NFAT5: variants seen among roughly 807,000 people sequenced by gnomAD.
The protein encoded by NFAT5 is nuclear factor of activated T cells 5.
Under a neutral mutation model 166.5 loss-of-function variants are expected in NFAT5, and 31 were observed. That is an observed-to-expected ratio of 0.19 (90% CI 0.14 to 0.25). The LOEUF (loss-of-function observed/expected upper bound fraction) is 0.25. NFAT5 is among the 10% of genes least tolerant of loss of function. NFAT5 has a pLI of 1.00. For synonymous variants in NFAT5, 612 were observed against 639.7 expected, an observed-to-expected ratio of 0.96 and a Z score of 0.65; for missense variants, 1,449 against 1,821.8, an observed-to-expected ratio of 0.80 and a Z score of 3.72.
chr16:69,672,723 T>C lies in NFAT5; in HGVS notation c.1557+2435T>C, dbSNP rs74026902. Among the ~76,000 whole-genome samples the C allele has an allele frequency of 7.6e-3, 1,153 of 152,334 alleles. 15 individuals are homozygous for C. The highest frequency in any genetic ancestry group is 0.026 in the African/African-American group (1,087 of 41,576). On this transcript the variant is annotated intron_variant, in intron 9 of 14. Transcript: ENST00000349945. ...GGTCTTTAAATACCTAGAGTTGTAA[T>C]CCTAACTGAAACTTAATTTATTCAT...
intron 2 of NFAT5, among the ~76,000 whole-genome samples, chr16:69,579,568 A>G (rs1486020207): frequency 1.3e-5 from 2 of 152,322 alleles, no homozygotes; most frequent in Non-Finnish European, 2.9e-5. Flanking sequence ...AGTGTAAACT[A>G]TGGTAAATAA....
At chr16:69,600,793 C>G (rs1403299184) in intron 2 of NFAT5, among the ~76,000 whole-genome samples, 5 of 135,532 alleles carry the variant, frequency 3.7e-5, no homozygotes, top group Middle Eastern at 4.7e-3. Context: ...TCCTGAGCTA[C>G]TTTGAGGAAG....
At chr16:69,570,533 G>A (rs1167397103) in intron 2 of NFAT5, among the ~76,000 whole-genome samples, 2 of 150,342 alleles carry the variant, frequency 1.3e-5, no homozygotes, top group Non-Finnish European at 3.0e-5. Context: ...AAGTATTTCT[G>A]TATTACAGTG....
rs1469136661 is a variant in NFAT5, at chr16:69,699,592, A to G, written c.*3241A>G. 1 of 152,634 alleles carries G rather than the reference A, an allele frequency of 6.6e-6. No homozygotes were observed. The highest frequency in any genetic ancestry group is 6.5e-5 in the Admixed American group (1 of 15,284). The allele number at this position is 152,634 out of a possible 1,614,324, so 9.5% of individuals were successfully genotyped here. On this transcript the variant is annotated 3_prime_UTR_variant, in exon 15 of 15. Coordinates refer to ENST00000349945, the MANE Select transcript of NFAT5 (RefSeq NM_138713.4). The stretch of plus-strand genomic sequence containing the variant: ...CATCTTCTTTGAAGCTCAGTGGTTG[A>G]TATTTGTGCTAATAATGCAATTTCC...
At position 69,702,135 on chromosome 16, in the gene NFAT5, C is replaced by T. The variant is rs2037908212; in HGVS notation, c.*5784C>T. The T allele has an allele frequency of 6.6e-6, 1 of 152,566 alleles. No homozygotes were observed. Among genetic ancestry groups the T allele is most frequent in the South Asian group, 2.1e-4 (1 of 4,828 alleles). The allele number at this position is 152,566 out of a possible 1,614,324, so 9.5% of individuals were successfully genotyped here. ...GCACTGAGGACTGCAAACTTTTATG[C>T]AATATTCTTAATACCCTATTGATAT... On this transcript the variant is annotated 3_prime_UTR_variant, in exon 15 of 15. Transcript: ENST00000349945.
intron 2 of NFAT5, among the ~76,000 whole-genome samples, chr16:69,605,603 G>C (rs907935886): frequency 2.0e-5 from 3 of 152,094 alleles, no homozygotes; most frequent in Non-Finnish European, 2.9e-5. Flanking sequence ...TCAACTATCT[G>C]ATTTTGGAGA....
chr16:69,633,425 A>G (rs772600830), intron 3 of NFAT5, among the ~76,000 whole-genome samples: 3 of 152,214 alleles, frequency 2.0e-5, no homozygotes, highest in Non-Finnish European at 4.4e-5. Flanking sequence ...ATAAGCAAAA[A>G]GTGTTTATAA....
chr16:69,608,057 G>A (rs2151551258), intron 2 of NFAT5, among the ~76,000 whole-genome samples: 1 of 151,926 alleles, frequency 6.6e-6, no homozygotes, highest in South Asian at 2.1e-4. Flanking sequence ...CAGTGTACTA[G>A]AAAAACTACT....
intron 6 of NFAT5, among the ~76,000 whole-genome samples, chr16:69,657,877 A>G (rs2035955522): frequency 6.6e-6 from 1 of 151,176 alleles, no homozygotes; most frequent in South Asian, 2.1e-4. Flanking sequence ...CGAGGTCAGG[A>G]GATCGAGACC....
chr16:69,682,119 T>G (rs1447100929), intron 10 of NFAT5, among the ~76,000 whole-genome samples: 1 of 151,918 alleles, frequency 6.6e-6, no homozygotes, highest in African/African-American at 2.4e-5. Context: ...TAGATACTTT[T>G]CAGAGTCATA....
At position 69,568,488 on chromosome 16, in the gene NFAT5, T is replaced by C; in HGVS notation, c.74-7T>C. On this transcript the variant is annotated splice_polypyrimidine_tract_variant and splice_region_variant and intron_variant, in intron 1 of 14. Coordinates refer to ENST00000349945, the MANE Select transcript of NFAT5 (RefSeq NM_138713.4). ...AAAAAGTACCTAATGCTTTTTGTGTTTTTCAGATTCTCTGAAGTTACACCC... is the reference window on the plus strand; with the variant it reads ...AAAAAGTACCTAATGCTTTTTGTGTCTTTCAGATTCTCTGAAGTTACACCC... The C allele has an allele frequency of 2.5e-6, 4 of 1,612,364 alleles. No individual in the cohort carries two copies. The highest frequency in any genetic ancestry group is 3.4e-6 in the Non-Finnish European group (4 of 1,179,226).
chr16:69,591,085 C>A (rs577549008), intron 2 of NFAT5, among the ~76,000 whole-genome samples: 3 of 152,206 alleles, frequency 2.0e-5, no homozygotes, highest in African/African-American at 7.2e-5. Flanking sequence ...GTACATGCCA[C>A]CATGCCTGGC....
chr16:69,681,753 T>G lies in NFAT5; in HGVS notation c.1691-3134T>G, dbSNP rs567759641. On this transcript the variant is annotated intron_variant, in intron 10 of 14. Coordinates refer to ENST00000349945, the MANE Select transcript of NFAT5 (RefSeq NM_138713.4). ...TAACACAGTGAAACCCCGTCTCTAC[T>G]AAAAAATACAAAAAATTAGCCAGGT... Among the ~76,000 whole-genome samples the G allele has an allele frequency of 2.0e-5, 3 of 151,644 alleles. No individual in the cohort carries two copies. The East Asian group carries it at 5.8e-4, about 29-fold the overall frequency.
rs374912279 is a variant in NFAT5 at position 69,598,380 on chromosome 16, TAA to T, written c.128-28002_128-28001del. Among the ~76,000 whole-genome samples the T allele has an allele frequency of 1.0e-2, 1,187 of 118,934 alleles. 17 individuals are homozygous for T. Among genetic ancestry groups the T allele is most frequent in the African/African-American group, 0.035 (1,110 of 31,882 alleles). The allele number at this position is 118,934 out of a possible 152,430, so 78.0% of individuals were successfully genotyped here. A position where few individuals can be genotyped will look rare whatever the true frequency, so the allele number is the denominator to read the frequency against. ...GTGACAGAGCGAGACCCTGTCTCTT[TAA>T]AAAAAAAAAAAAAAAAAAAAGATAT... is the stretch of plus-strand genomic sequence containing the variant. On this transcript the variant is annotated intron_variant, in intron 2 of 14. Coordinates refer to ENST00000349945, the MANE Select transcript of NFAT5 (RefSeq NM_138713.4).
intron 2 of NFAT5, among the ~76,000 whole-genome samples, chr16:69,600,829 C>A (rs1469676676): frequency 6.7e-6 from 1 of 148,318 alleles, no homozygotes; most frequent in Non-Finnish European, 1.5e-5. Flanking sequence ...TGGTACTGGT[C>A]CACAATTTTG....
chr16:69,624,929 C>T (rs1264569877), intron 2 of NFAT5, among the ~76,000 whole-genome samples: 2 of 150,690 alleles, frequency 1.3e-5, no homozygotes, highest in Non-Finnish European at 3.0e-5. Flanking sequence ...GAAGGAGTTT[C>T]GCTCTTGTTG....
At chr16:69,640,594 G>A (rs1483651380) in intron 3 of NFAT5, among the ~76,000 whole-genome samples, 2 of 152,138 alleles carry the variant, frequency 1.3e-5, no homozygotes, top group Non-Finnish European at 2.9e-5. Context: ...ACTTTTATCA[G>A]ATGAGAACTT....
chr16:69,674,241 C>CAA (rs59975972), intron 9 of NFAT5, among the ~76,000 whole-genome samples: 66 of 71,290 alleles, frequency 9.3e-4, no homozygotes, highest in African/African-American at 2.0e-3. Flanking sequence ...GAAACTGTCT[C>CAA]AAAAAAAAAA....
chr16:69,569,151 TTG>T lies in NFAT5; in HGVS notation c.127+617_127+618del, dbSNP rs761456843. Among the ~76,000 whole-genome samples the T allele has an allele frequency of 4.1e-4, 62 of 151,688 alleles. 2 individuals carry two copies. Among genetic ancestry groups the T allele is most frequent in the East Asian group, 3.9e-4 (2 of 5,174 alleles). On this transcript the variant is annotated intron_variant, in intron 2 of 14. Transcript: ENST00000349945. ...CACTTACTTTAGAAAACTTTTGGCTTTGTGTGTGTGTGTGTTTTAACATTTTA... is the reference window on the plus strand; with the variant it reads ...CACTTACTTTAGAAAACTTTTGGCTTTGTGTGTGTGTGTTTTAACATTTTA...
Sources: allele counts gnomAD v4.1 joint callset (sites outside exome capture counted in the v4.1 genomes callset), GRCh38; gene constraint gnomAD v4.1.1; transcripts MANE v1.5; gene names NCBI Gene and HGNC (gene_info 2026-07-23, HGNC 2026-07-21).